GPC5: variants seen among roughly 807,000 people sequenced by gnomAD.
The protein encoded by GPC5 is glypican-5.
A neutral mutation model predicts 53.9 loss-of-function variants in GPC5; 47 were observed. The observed-to-expected ratio is 0.87, with a 90% CI of 0.69 to 1.11. GPC5 has a LOEUF of 1.11. Ranked by LOEUF, GPC5 falls within the 50% of genes most tolerant of loss-of-function variation. The pLI, the probability that GPC5 is intolerant of heterozygous loss-of-function variation, is 0.00. For missense variants in GPC5, 748 were observed against 713.1 expected (o/e 1.05, Z -0.56); for synonymous variants, 286 against 263.3 (o/e 1.09, Z -0.84).
At chr13:92,319,647 A>AT (rs2043203145) in intron 7 of GPC5, among the ~76,000 whole-genome samples, 1 of 152,058 alleles carries the variant, frequency 6.6e-6, no homozygotes, top group East Asian at 1.9e-4. Flanking sequence ...GTGATAATTG[A>AT]TTTTTTGTTT....
At chr13:92,127,985 G>A (rs552622351) in intron 6 of GPC5, among the ~76,000 whole-genome samples, 1 of 152,276 alleles carries the variant, frequency 6.6e-6, no homozygotes, top group African/African-American at 2.4e-5. Flanking sequence ...AGGGACCAGG[G>A]TTTCCATTTG....
At chr13:92,198,395 A>G (rs889434576) in intron 7 of GPC5, among the ~76,000 whole-genome samples, 2 of 152,204 alleles carry the variant, frequency 1.3e-5, no homozygotes, top group African/African-American at 4.8e-5. Flanking sequence ...GATCATAGAT[A>G]TGCTCCTTAT....
chr13:92,832,354 T>C (rs1878075410), intron 7 of GPC5, among the ~76,000 whole-genome samples: 1 of 152,188 alleles, frequency 6.6e-6, no homozygotes. Flanking sequence ...ATGGAAGAAC[T>C]AAAAACTAGA....
chr13:91,874,465 A>G (rs923957932), intron 5 of GPC5, among the ~76,000 whole-genome samples: 3 of 152,158 alleles, frequency 2.0e-5, no homozygotes, highest in African/African-American at 7.2e-5. Flanking sequence ...TAATTCATGT[A>G]TATGTCTATG....
intron 5 of GPC5, among the ~76,000 whole-genome samples, chr13:91,829,480 T>C (rs1487241857): frequency 6.6e-6 from 1 of 152,062 alleles, no homozygotes; most frequent in African/African-American, 2.4e-5. Flanking sequence ...TTTTGATAAT[T>C]ATTGTGTGAT....
intron 6 of GPC5, among the ~76,000 whole-genome samples, chr13:92,065,341 A>C (rs1408102581): frequency 6.6e-6 from 1 of 152,142 alleles, no homozygotes; most frequent in African/African-American, 2.4e-5. Context: ...TACTTCCCTG[A>C]CTGCAGGGGT....
At chr13:91,775,216 C>T (rs765443643) in intron 5 of GPC5, among the ~76,000 whole-genome samples, 25 of 152,092 alleles carry the variant, frequency 1.6e-4, no homozygotes, top group Non-Finnish European at 3.1e-4. Context: ...TGTTTAATGA[C>T]AAAAAGTTAT....
At chr13:91,896,121 T>G (rs1360541460) in intron 5 of GPC5, among the ~76,000 whole-genome samples, 1 of 148,734 alleles carries the variant, frequency 6.7e-6, no homozygotes, top group African/African-American at 2.5e-5. Context: ...TTTCTAATTT[T>G]TTTTTTTTTT....
intron 2 of GPC5, among the ~76,000 whole-genome samples, chr13:91,615,668 A>G (rs1001945845): frequency 2.6e-5 from 4 of 152,170 alleles, no homozygotes; most frequent in Non-Finnish European, 5.9e-5. Context: ...ATCTCCAAGA[A>G]TTCTACTGCA....
chr13:91,493,428 C>CAAAA (rs1884047533), intron 2 of GPC5, among the ~76,000 whole-genome samples: 1 of 152,090 alleles, frequency 6.6e-6, no homozygotes, highest in Non-Finnish European at 1.5e-5. Flanking sequence ...CTATAAAATA[C>CAAAA]TAGGTATTAT....
intron 6 of GPC5, among the ~76,000 whole-genome samples, chr13:92,099,538 G>C (rs946327844): frequency 2.0e-5 from 3 of 152,230 alleles, no homozygotes; most frequent in Non-Finnish European, 4.4e-5. Context: ...ATGGAACTGT[G>C]TTTTTGCTTT....
At chr13:92,095,746 G>C (rs966463287) in intron 6 of GPC5, among the ~76,000 whole-genome samples, 9 of 152,036 alleles carry the variant, frequency 5.9e-5, no homozygotes, top group African/African-American at 2.2e-4. Flanking sequence ...CGTTGGTCAG[G>C]CTGGTCTCGA....
At chr13:91,913,147 T>A (rs989028690) in intron 6 of GPC5, among the ~76,000 whole-genome samples, 7 of 152,104 alleles carry the variant, frequency 4.6e-5, no homozygotes, top group African/African-American at 1.4e-4. Context: ...ACACCTGTAA[T>A]CCCAGCATTT....
intron 1 of GPC5, among the ~76,000 whole-genome samples, chr13:91,442,105 G>A (rs915562025): frequency 6.6e-6 from 1 of 152,214 alleles, no homozygotes; most frequent in South Asian, 2.1e-4. Context: ...ATTAAATAAA[G>A]CACAGATACA....
chr13:92,717,715 C>A (rs943920732), intron 7 of GPC5, among the ~76,000 whole-genome samples: 2 of 152,092 alleles, frequency 1.3e-5, no homozygotes, highest in Non-Finnish European at 2.9e-5. Flanking sequence ...TGAAAATTAT[C>A]TTTTTCTCTT....
At chr13:91,752,852 G>A (rs1006165631) in intron 4 of GPC5, among the ~76,000 whole-genome samples, 3 of 152,292 alleles carry the variant, frequency 2.0e-5, no homozygotes, top group African/African-American at 7.2e-5. Context: ...GTGCTGCTTT[G>A]AAATGTGCAG....
Position 91,921,163 on chromosome 13 carries a change from T to C in GPC5, c.1401+13106T>C, listed in dbSNP as rs545762993. ...TGTTGGCCAGGCTGGTCTCCAACTCTTGACCTCAGGTGATTCATCTGCCTC... is the reference window on the plus strand; with the variant it reads ...TGTTGGCCAGGCTGGTCTCCAACTCCTGACCTCAGGTGATTCATCTGCCTC... On this transcript the variant is annotated intron_variant, in intron 6 of 7. Coordinates refer to ENST00000377067, the MANE Select transcript of GPC5 (RefSeq NM_004466.6). Among the ~76,000 whole-genome samples, 220 of 152,060 alleles carry C rather than the reference T, an allele frequency of 1.4e-3. 1 individual carries two copies. In the Middle Eastern group the frequency reaches 0.051, roughly 35 times the overall value.
intron 7 of GPC5, among the ~76,000 whole-genome samples, chr13:92,672,303 TA>T (rs1256458847): frequency 6.6e-6 from 1 of 152,112 alleles, no homozygotes; most frequent in Non-Finnish European, 1.5e-5. Flanking sequence ...TCATGATAAT[TA>T]GAGAAATACA....
intron 5 of GPC5, among the ~76,000 whole-genome samples, chr13:91,887,581 C>T (rs939458425): frequency 2.0e-5 from 3 of 152,158 alleles, no homozygotes; most frequent in Non-Finnish European, 2.9e-5. Flanking sequence ...TGCTCTGCTT[C>T]CTCTTGAACA....
Sources: gnomAD v4.1 joint callset for allele counts (sites outside exome capture counted in the v4.1 genomes callset) on GRCh38, gnomAD v4.1.1 for gene constraint, MANE v1.5 for transcripts, NCBI Gene and HGNC (gene_info 2026-07-23, HGNC 2026-07-21) for gene names.